Variants in CHD1L observed in about 807,000 individuals in gnomAD.
CHD1L encodes the protein ATP-dependent chromatin remodeler CHD1L.
Under a neutral mutation model 115.9 loss-of-function variants are expected in CHD1L, and 118 were observed. The observed-to-expected ratio is 1.02, with a 90% CI of 0.88 to 1.19. The LOEUF (loss-of-function observed/expected upper bound fraction) is 1.19. Ranked by LOEUF, CHD1L falls within the 50% of genes most tolerant of loss-of-function variation. CHD1L has a pLI of 0.00. For missense variants in CHD1L, 1,179 were observed against 1,065.3 expected (o/e 1.11, Z -1.49); for synonymous variants, 411 against 387.1 (o/e 1.06, Z -0.72).
intron 1 of CHD1L, among the ~76,000 whole-genome samples, chr1:147,248,833 A>G (rs1667467878): frequency 6.6e-6 from 1 of 152,166 alleles, no homozygotes; most frequent in Admixed American, 6.5e-5. Flanking sequence ...ACTTCCCTTT[A>G]TATAAACATT....
At position 147,291,553 on chromosome 1, in the gene CHD1L, G is replaced by GT; in HGVS notation, c.2391+2dup. ...ATCAAGAAACAAAGGGCAAGATTTG[G>GT]TAAGTAAAACCCATCTCTTCTCAGA... On this transcript the variant is annotated splice_donor_variant, in intron 20 of 22. Coordinates refer to ENST00000369258, the MANE Select transcript of CHD1L (RefSeq NM_004284.6). LOFTEE classifies it high-confidence loss of function. The GT allele has an allele frequency of 6.2e-7, 1 of 1,612,758 alleles. No individual in the cohort carries two copies. The highest frequency in any genetic ancestry group is 1.1e-5 in the South Asian group (1 of 91,050).
intron 10 of CHD1L, among the ~76,000 whole-genome samples, chr1:147,270,379 C>T (rs1280775011): frequency 6.6e-6 from 1 of 152,150 alleles, no homozygotes; most frequent in Non-Finnish European, 1.5e-5. Flanking sequence ...TCACTTACCC[C>T]TTGCTTCTCT....
intron 14 of CHD1L, among the ~76,000 whole-genome samples, chr1:147,279,302 G>A (rs761518249): frequency 3.9e-5 from 6 of 152,258 alleles, no homozygotes; most frequent in Non-Finnish European, 8.8e-5. Context: ...TAGTGCTTAC[G>A]GAGGTGCAAA....
At chr1:147,197,010 G>A in the CHD1L span, among the ~76,000 whole-genome samples, 3 of 152,036 alleles carry the variant, frequency 2.0e-5, no homozygotes, top group Admixed American at 1.3e-4. Flanking sequence ...CTTCTAAACT[G>A]GAGATCTGAT....
the CHD1L span, among the ~76,000 whole-genome samples, chr1:147,216,360 A>G: frequency 0.037 from 5,595 of 152,300 alleles, 146 homozygotes; most frequent in South Asian, 0.095. Context: ...TACCTATTCT[A>G]TTCTATCCCA....
At chr1:147,285,522 TGAA>T in intron 17 of CHD1L, 35 bp downstream of exon 17, 2 of 1,593,272 alleles carry the variant, frequency 1.3e-6, no homozygotes, top group Middle Eastern at 4.3e-4. Context: ...CGGCCACAGT[TGAA>T]GGAGTCACTA....
chr1:147,211,919 C>T, the CHD1L span, among the ~76,000 whole-genome samples: 2 of 152,086 alleles, frequency 1.3e-5, no homozygotes, highest in Non-Finnish European at 2.9e-5. Context: ...TACTTTTTTC[C>T]ATTTGGGGAG....
At chr1:147,272,529 T>G in intron 12 of CHD1L, 1 of 326,252 alleles carries the variant, frequency 3.1e-6, no homozygotes, top group Admixed American at 4.9e-5. Flanking sequence ...CTTTGACCAT[T>G]GACCTGGGAA....
intron 9 of CHD1L, 68 bp from the exon 10 acceptor site, chr1:147,268,714 G>C: frequency 3.1e-6 from 4 of 1,299,894 alleles, no homozygotes; most frequent in Admixed American, 1.9e-5. Context: ...TTCTCTTCCT[G>C]TAGCCTAGCT....
Position 147,272,205 on chromosome 1 carries a change from A to ATT in CHD1L, c.1194_1195insTT (p.Gly399LeufsTer22). 1 of 1,613,982 alleles carries ATT rather than the reference A, an allele frequency of 6.2e-7. No individual in the cohort carries two copies. The highest frequency in any genetic ancestry group is 8.5e-7 in the Non-Finnish European group (1 of 1,179,876). ...ATGAGCGTGTGGATGGTTCTGTGAG[A>ATT]GGAGAAGAGAGACACTTGGCCATTA... On this transcript the variant is annotated frameshift_variant, in exon 12 of 23. Transcript: ENST00000369258. LOFTEE classifies it high-confidence loss of function.
chr1:147,229,731 T>A, the CHD1L span, among the ~76,000 whole-genome samples: 3 of 152,148 alleles, frequency 2.0e-5, no homozygotes, highest in Non-Finnish European at 4.4e-5. Context: ...TCACATCCCT[T>A]GTAAGTTGGA....
chr1:147,265,659 C>T (rs1299881250), intron 7 of CHD1L, among the ~76,000 whole-genome samples: 7 of 151,928 alleles, frequency 4.6e-5, no homozygotes, highest in African/African-American at 9.7e-5. Flanking sequence ...TGAGATTAAA[C>T]GCAAAAATAT....
At chr1:147,208,027 C>T in the CHD1L span, among the ~76,000 whole-genome samples, 2 of 152,166 alleles carry the variant, frequency 1.3e-5, no homozygotes, top group Non-Finnish European at 2.9e-5. Context: ...TTTGCATAGA[C>T]CTCCTCACTG....
At chr1:147,251,198 A>G (rs1297216910) in intron 1 of CHD1L, among the ~76,000 whole-genome samples, 1 of 152,228 alleles carries the variant, frequency 6.6e-6, no homozygotes, top group Non-Finnish European at 1.5e-5. Context: ...TTTGGTCTAC[A>G]TCAGTTGGTG....
chr1:147,200,326 G>C, the CHD1L span, among the ~76,000 whole-genome samples: 2 of 152,046 alleles, frequency 1.3e-5, no homozygotes, highest in Non-Finnish European at 2.9e-5. Flanking sequence ...CTCTCCTGAA[G>C]TTTATCTTCT....
chr1:147,280,243 C>T, intron 15 of CHD1L, 52 bp downstream of exon 15: 1 of 1,498,406 alleles, frequency 6.7e-7, no homozygotes, highest in South Asian at 1.4e-5. Context: ...CAAGCTAGAG[C>T]TCACGTCCCC....
At chr1:147,178,964 T>C in the CHD1L span, 3 of 1,612,804 alleles carry the variant, frequency 1.9e-6, no homozygotes, top group Non-Finnish European at 2.5e-6. Flanking sequence ...AACAGGGTAA[T>C]GATGGTGGCA....
chr1:147,288,344 AAAG>A (rs1277462215), intron 19 of CHD1L, among the ~76,000 whole-genome samples: 1,782 of 4,820 alleles, frequency 0.37, 83 homozygotes, highest in African/African-American at 0.41. Context: ...AAAAAAAAAA[AAAG>A]AAAAAGAGAA....
the CHD1L span, among the ~76,000 whole-genome samples, chr1:147,218,831 C>T: frequency 6.6e-6 from 1 of 152,140 alleles, no homozygotes; most frequent in Admixed American, 6.5e-5. Context: ...TGGAAAATTT[C>T]CTGTCCTTCA....
Sources: gnomAD v4.1 joint callset for allele counts (sites outside exome capture counted in the v4.1 genomes callset) on GRCh38, gnomAD v4.1.1 for gene constraint, MANE v1.5 for transcripts, NCBI Gene and HGNC (gene_info 2026-07-23, HGNC 2026-07-21) for gene names.